Variants in NXN observed in about 807,000 individuals in gnomAD.
NXN encodes the protein nucleoredoxin.
Under a neutral mutation model 48.6 loss-of-function variants are expected in NXN, and 16 were observed. The observed-to-expected ratio is 0.33, with a 90% CI of 0.22 to 0.50. NXN has a LOEUF of 0.50. NXN is among the 20% of genes least tolerant of loss of function. The pLI is 0.98. For missense variants in NXN, 492 were observed against 605.5 expected (o/e 0.81, Z 1.97); for synonymous variants, 281 against 269.6 (o/e 1.04, Z -0.41).
intron 1 of NXN, among the ~76,000 whole-genome samples, chr17:852,977 A>T (rs916354703): frequency 1.3e-5 from 2 of 150,776 alleles, no homozygotes; most frequent in African/African-American, 2.4e-5. Context: ...TAAAGTGTAA[A>T]TTTTTTCTTT....
rs564868591 is a variant in NXN at position 947,748 on chromosome 17, A to G, written c.360+31571T>C. On this transcript the variant is annotated intron_variant, in intron 1 of 7. Transcript: ENST00000336868. ...GCTCCCTCTCAAAAAAAAAAAAAAA[A>G]AAAAAAGGGCCAGGCATGGTGGCTC... 2.0e-3 allele frequency among the ~76,000 whole-genome samples: 301 copies of G among 150,540 alleles called. 4 individuals carry two copies. The highest frequency in any genetic ancestry group is 6.9e-3 in the African/African-American group (281 of 40,962).
chr17:943,441 G>T (rs368160944), intron 1 of NXN, among the ~76,000 whole-genome samples: 1 of 152,100 alleles, frequency 6.6e-6, no homozygotes, highest in East Asian at 1.9e-4. Flanking sequence ...TGTTCCCCAC[G>T]TGCCGTAACT....
intron 1 of NXN, among the ~76,000 whole-genome samples, chr17:864,483 G>C (rs542936679): frequency 2.6e-4 from 39 of 152,190 alleles, no homozygotes; most frequent in Admixed American, 9.2e-4. Context: ...AAACAGAATC[G>C]AGGAACAAAG....
intron 6 of NXN, 45 bp downstream of exon 6, chr17:805,023 C>CCCCCCCCCCCCA: frequency 2.0e-6 from 3 of 1,505,620 alleles, no homozygotes; most frequent in Non-Finnish European, 2.7e-6. Context: ...CCTCCTGTCC[C>CCCCCCCCCCCCA]GCCCCCCAGC....
intron 1 of NXN, among the ~76,000 whole-genome samples, chr17:856,487 C>CTTTT (rs35579004): frequency 4.1e-5 from 5 of 121,100 alleles, no homozygotes; most frequent in Admixed American, 8.6e-5. Context: ...AAGTACTTGT[C>CTTTT]TTTTTTTTTT....
chr17:810,568 TC>T (rs1178383909), intron 5 of NXN, among the ~76,000 whole-genome samples: 1 of 151,784 alleles, frequency 6.6e-6, no homozygotes, highest in Non-Finnish European at 1.5e-5. Context: ...TCCTCCCGGC[TC>T]CCCCAAAACA....
chr17:916,330 G>T (rs1271155807), intron 1 of NXN, among the ~76,000 whole-genome samples: 2 of 152,146 alleles, frequency 1.3e-5, no homozygotes, highest in Admixed American at 1.3e-4. Context: ...CTGAAAATGA[G>T]ATTATTTAAA....
chr17:979,318 C>A lies in NXN; in HGVS notation c.360+1G>T. ...GGGCCGGCGAGGCCCGCGCCGCTCA[C>A]CTTCCTGTGCTTCTCCTTGTAGGGC... On this transcript the variant is annotated splice_donor_variant, in intron 1 of 7. Coordinates refer to ENST00000336868, the MANE Select transcript of NXN (RefSeq NM_022463.5). LOFTEE classifies it high-confidence loss of function. 6.8e-7 allele frequency: 1 copy of A among 1,462,380 alleles called. No homozygotes were observed. Among genetic ancestry groups the A allele is most frequent in the Admixed American group, 1.9e-5 (1 of 51,392 alleles). 90.6% of individuals were successfully genotyped at this position (1,462,380 alleles called of 1,614,324 possible).
intron 1 of NXN, chr17:908,150 G>A (rs936555515): frequency 7.2e-5 from 11 of 152,114 alleles, no homozygotes; most frequent in Non-Finnish European, 1.3e-4. Flanking sequence ...CCCCAGAGAC[G>A]GCTCACAGTA....
chr17:858,309 A>G (rs984439577), intron 1 of NXN, among the ~76,000 whole-genome samples: 1 of 152,096 alleles, frequency 6.6e-6, no homozygotes, highest in Non-Finnish European at 1.5e-5. Flanking sequence ...ATGAGCCACC[A>G]CGTCCAGCCT....
In NXN at chr17:979,723, C is replaced by A. The variant is rs979284773; in HGVS notation, c.-45G>T. ...GGCAGGCGGCTGCGACCCCGCTCCA[C>A]GGTCCGCGCGGCGGGAGGAGGCGGC... On this transcript the variant is annotated 5_prime_UTR_variant, in exon 1 of 8. Coordinates refer to ENST00000336868, the MANE Select transcript of NXN (RefSeq NM_022463.5). 3.2e-5 allele frequency: 41 copies of A among 1,282,800 alleles called. No individual in the cohort carries two copies. The highest frequency in any genetic ancestry group is 3.8e-5 in the Non-Finnish European group (39 of 1,013,668). The allele number at this position is 1,282,800 out of a possible 1,614,324, so 79.5% of individuals were successfully genotyped here. A position where few individuals can be genotyped will look rare whatever the true frequency, so the allele number is the denominator to read the frequency against.
intron 1 of NXN, among the ~76,000 whole-genome samples, chr17:975,614 G>A (rs2069448982): frequency 6.6e-6 from 1 of 152,172 alleles, no homozygotes; most frequent in Non-Finnish European, 1.5e-5. Context: ...AAGTCCTGGG[G>A]CCACACCAGA....
chr17:973,165 C>G (rs1323397199), intron 1 of NXN, among the ~76,000 whole-genome samples: 1 of 152,166 alleles, frequency 6.6e-6, no homozygotes, highest in Non-Finnish European at 1.5e-5. Flanking sequence ...TACTCAGAGG[C>G]AGGCCTGAGC....
chr17:951,174 TTAAAAAAAAAAAAAAA>T lies in NXN; in HGVS notation c.360+28129_360+28144del, dbSNP rs1465029934. Among the ~76,000 whole-genome samples the T allele has an allele frequency of 2.5e-4, 17 of 67,532 alleles. No individual in the cohort carries two copies. The Middle Eastern group carries it at 0.031, about 124-fold the overall frequency. The allele number at this position is 67,532 out of a possible 152,430, so 44.3% of individuals were successfully genotyped here. A position where few individuals can be genotyped will look rare whatever the true frequency, so the allele number is the denominator to read the frequency against. Reference sequence around the variant, plus strand: ...CAACATGGTGAAACCCTGTCTCTACTTAAAAAAAAAAAAAAAAAAAAAAAAAAAAGCTGGGCGTGGT... The same window carrying T: ...CAACATGGTGAAACCCTGTCTCTACTAAAAAAAAAAAAAGCTGGGCGTGGT... On this transcript the variant is annotated intron_variant, in intron 1 of 7. Coordinates refer to ENST00000336868, the MANE Select transcript of NXN (RefSeq NM_022463.5).
intron 1 of NXN, among the ~76,000 whole-genome samples, chr17:969,319 CCCCGGGAAACAGCCAAGTTTCCAA>C (rs1157389047): frequency 2.0e-5 from 3 of 152,080 alleles, no homozygotes; most frequent in Non-Finnish European, 4.4e-5. Context: ...AAAGTCACAC[CCCCGGGAAACAGCCAAGTTTCCAA>C]CCCGGGAAAC....
chr17:812,430 G>C (rs145593442), intron 5 of NXN, among the ~76,000 whole-genome samples: 3 of 152,198 alleles, frequency 2.0e-5, no homozygotes, highest in African/African-American at 7.2e-5. Context: ...CAGCGGGAGA[G>C]AAACAAGTGA....
intron 1 of NXN, among the ~76,000 whole-genome samples, chr17:973,287 TC>T (rs1179129641): frequency 1.3e-5 from 2 of 152,184 alleles, no homozygotes; most frequent in Non-Finnish European, 2.9e-5. Context: ...AGGTGGCGTT[TC>T]TACAGCTCCA....
At chr17:970,902 G>T (rs548924697) in intron 1 of NXN, among the ~76,000 whole-genome samples, 1 of 151,076 alleles carries the variant, frequency 6.6e-6, no homozygotes, top group Non-Finnish European at 1.5e-5. Flanking sequence ...TGCAAACAAT[G>T]AAATATTAAA....
intron 1 of NXN, among the ~76,000 whole-genome samples, chr17:899,946 C>T (rs935866155): frequency 6.6e-6 from 1 of 152,096 alleles, no homozygotes; most frequent in Non-Finnish European, 1.5e-5. Context: ...TAAATGATAT[C>T]CTCAAGCTAT....
Sources: gnomAD v4.1 joint callset for allele counts (sites outside exome capture counted in the v4.1 genomes callset) on GRCh38, gnomAD v4.1.1 for gene constraint, MANE v1.5 for transcripts, NCBI Gene and HGNC (gene_info 2026-07-23, HGNC 2026-07-21) for gene names.